NNMT: variants seen among roughly 807,000 people sequenced by gnomAD.
NNMT encodes the protein nicotinamide N-methyltransferase.
Under a neutral mutation model 11.7 loss-of-function variants are expected in NNMT, and 10 were observed. The ratio of observed to expected loss-of-function variants is 0.85; its 90% CI spans 0.53 to 1.45. The LOEUF (loss-of-function observed/expected upper bound fraction) is 1.45. Ranked by LOEUF, NNMT falls within the 40% of genes most tolerant of loss-of-function variation. NNMT has a pLI of 0.00. For missense variants in NNMT, 381 were observed against 319.4 expected, an observed-to-expected ratio of 1.19 and a Z score of -1.47; for synonymous variants, 143 against 133.8, an observed-to-expected ratio of 1.07 and a Z score of -0.48.
At chr11:114,298,308 G>T in intron 2 of NNMT, 150 bp downstream of exon 2, 1 of 644,326 alleles carries the variant, frequency 1.6e-6, no homozygotes, top group Non-Finnish European at 2.7e-6. Context: ...ATAGGCCCAT[G>T]TGTGTGCATG....
chr11:114,307,773 A>G (rs530347671), intron 2 of NNMT, among the ~76,000 whole-genome samples: 4 of 151,672 alleles, frequency 2.6e-5, no homozygotes, highest in Non-Finnish European at 5.9e-5. Context: ...TCTTACTGGA[A>G]TTTCCTCCCG....
At chr11:114,295,624 T>C (rs533412297), upstream of NNMT, among the ~76,000 whole-genome samples, 1 of 151,416 alleles carries the variant, frequency 6.6e-6, no homozygotes, top group South Asian at 2.1e-4. Flanking sequence ...AGAGACGGGG[T>C]TTCACCATGT....
rs1045226261 is a variant in NNMT at position 114,303,027 on chromosome 11, T to C, written c.362+4869T>C. Among the ~76,000 whole-genome samples, 4 of 152,220 alleles carry C rather than the reference T, an allele frequency of 2.6e-5. No individual in the cohort carries two copies. The East Asian group carries it at 7.7e-4, about 29-fold the overall frequency. ...GTAGGAAATAAATTTCTGTTGTTTA[T>C]GAGCCACCCAGTCTATGGTATTCTG... On this transcript the variant is annotated intron_variant, in intron 2 of 2. Coordinates refer to ENST00000299964, the MANE Select transcript of NNMT (RefSeq NM_006169.3).
intron 2 of NNMT, among the ~76,000 whole-genome samples, chr11:114,299,570 T>G (rs1417044770): frequency 3.3e-5 from 5 of 152,226 alleles, no homozygotes; most frequent in Non-Finnish European, 5.9e-5. Context: ...TTCTATTTTC[T>G]GAAAGAGTTT....
chr11:114,304,524 C>T (rs1457675802), intron 2 of NNMT, among the ~76,000 whole-genome samples: 1 of 152,206 alleles, frequency 6.6e-6, no homozygotes, highest in Non-Finnish European at 1.5e-5. Context: ...TGATCCTATG[C>T]AACTCATGTC....
At chr11:114,289,525 C>T (rs1247695224) in intron 2 of NNMT, among the ~76,000 whole-genome samples, 1 of 152,164 alleles carries the variant, frequency 6.6e-6, no homozygotes, top group African/African-American at 2.4e-5. Context: ...GCCTTAGCTG[C>T]AACTCATGAG....
At chr11:114,261,973 A>C (rs1268422976) in intron 1 of NNMT, among the ~76,000 whole-genome samples, 1 of 152,084 alleles carries the variant, frequency 6.6e-6, no homozygotes, top group Non-Finnish European at 1.5e-5. Flanking sequence ...ACTGGGAAAG[A>C]AGCAGGCAGG....
intron 2 of NNMT, among the ~76,000 whole-genome samples, chr11:114,310,531 C>A (rs1945539799): frequency 6.6e-6 from 1 of 152,218 alleles, no homozygotes; most frequent in Non-Finnish European, 1.5e-5. Flanking sequence ...TTATTTAAAC[C>A]ATTGACTTTT....
At chr11:114,299,034 C>T (rs1391942647) in intron 2 of NNMT, among the ~76,000 whole-genome samples, 1 of 152,132 alleles carries the variant, frequency 6.6e-6, no homozygotes, top group Non-Finnish European at 1.5e-5. Flanking sequence ...TTGCAAGCTG[C>T]ATAAAAAGAT....
intron 2 of NNMT, among the ~76,000 whole-genome samples, chr11:114,268,983 A>G (rs1486175752): frequency 6.6e-6 from 1 of 152,186 alleles, no homozygotes; most frequent in Non-Finnish European, 1.5e-5. Flanking sequence ...TCTGATTTTT[A>G]AATTTGAATT....
At chr11:114,306,125 C>G (rs1410052630) in intron 2 of NNMT, among the ~76,000 whole-genome samples, 1 of 152,170 alleles carries the variant, frequency 6.6e-6, no homozygotes, top group Non-Finnish European at 1.5e-5. Flanking sequence ...TTTCATGTGT[C>G]TGTTGGCTGC....
At chr11:114,266,674 T>A (rs1945122422) in intron 2 of NNMT, among the ~76,000 whole-genome samples, 1 of 152,216 alleles carries the variant, frequency 6.6e-6, no homozygotes, top group Non-Finnish European at 1.5e-5. Context: ...GAAGTTTATG[T>A]GTTGGAAACT....
chr11:114,273,942 G>A (rs776115109), intron 2 of NNMT, among the ~76,000 whole-genome samples: 6 of 152,166 alleles, frequency 3.9e-5, no homozygotes, highest in Non-Finnish European at 5.9e-5. Flanking sequence ...TCATGAATGT[G>A]ACCAGTTATC....
At chr11:114,271,048 A>T (rs924847437) in intron 2 of NNMT, among the ~76,000 whole-genome samples, 3 of 152,114 alleles carry the variant, frequency 2.0e-5, no homozygotes, top group African/African-American at 7.2e-5. Flanking sequence ...AAGTTCTGGG[A>T]TTACAGGCAT....
At chr11:114,303,294 G>T (rs1945456531) in intron 2 of NNMT, among the ~76,000 whole-genome samples, 1 of 152,046 alleles carries the variant, frequency 6.6e-6, no homozygotes, top group Non-Finnish European at 1.5e-5. Flanking sequence ...TTTCCTCCCT[G>T]CTAACTTGAG....
intron 2 of NNMT, among the ~76,000 whole-genome samples, chr11:114,265,064 G>T (rs1329830022): frequency 6.6e-6 from 1 of 152,120 alleles, no homozygotes; most frequent in African/African-American, 2.4e-5. Flanking sequence ...GATGTTGCAG[G>T]GTAGGGTTGA....
chr11:114,312,108 T>C lies in NNMT; in HGVS notation c.426T>C (p.Asp142=), dbSNP rs11569687. 5.3e-3 allele frequency: 8,484 copies of C among 1,612,144 alleles called. 30 individuals are homozygous for C. The highest frequency in any genetic ancestry group is 6.0e-3 in the Non-Finnish European group (7,087 of 1,178,654). The change falls in exon 3 of 3, where the codon GAT becomes GAC. Residue 142 remains aspartate, a synonymous_variant. Coordinates refer to ENST00000299964, the MANE Select transcript of NNMT (RefSeq NM_006169.3). ...CGGTCAAGCAGGTGCTGAAGTGTGA[T>C]GTGACTCAGAGCCAGCCACTGGGGG... ...RQAVKQVLKC[D]VTQSQPLGAV... is the part of the protein sequence containing the mutation.
chr11:114,282,742 C>A (rs1945271047), intron 2 of NNMT, among the ~76,000 whole-genome samples: 3 of 152,114 alleles, frequency 2.0e-5, no homozygotes, highest in African/African-American at 7.2e-5. Context: ...ATGGAAGGCT[C>A]TGGGGCCTTA....
intron 2 of NNMT, among the ~76,000 whole-genome samples, chr11:114,280,877 G>A (rs931197876): frequency 1.3e-5 from 2 of 152,204 alleles, no homozygotes; most frequent in Non-Finnish European, 2.9e-5. Context: ...CTCATTTGCC[G>A]GCAGCCTGCA....
Sources: gnomAD v4.1 joint callset for allele counts (sites outside exome capture counted in the v4.1 genomes callset) on GRCh38, gnomAD v4.1.1 for gene constraint, MANE v1.5 for transcripts, NCBI Gene and HGNC (gene_info 2026-07-23, HGNC 2026-07-21) for gene names.